Variants in TSPAN19 observed in about 807,000 individuals in gnomAD.
TSPAN19 encodes the protein tetraspanin 19, also known as tetraspanin-19.
A neutral mutation model predicts 35.1 loss-of-function variants in TSPAN19; 44 were observed. The ratio of observed to expected loss-of-function variants is 1.25; its 90% confidence interval spans 0.98 to 1.61. TSPAN19 has a LOEUF of 1.61. Ranked by LOEUF, TSPAN19 falls within the 40% of genes most tolerant of loss-of-function variation. TSPAN19 has a pLI of 0.00. For missense variants in TSPAN19, 290 were observed against 280.0 expected (o/e 1.04, Z -0.26); for synonymous variants, 79 against 92.0 (o/e 0.86, Z 0.81).
At chr12:85,016,060 T>C in intron 7 of TSPAN19, 89 bp from the exon 8 acceptor site, 1 of 827,906 alleles carries the variant, frequency 1.2e-6, no homozygotes, top group East Asian at 3.1e-5. Context: ...AAACAGAGAT[T>C]AGTAATTTAC....
Position 85,016,105 on chromosome 12 carries a change from G to A in TSPAN19, c.595-134C>T, listed in dbSNP as rs113739642. ...AATAGTAAGTCAATATCTAATTGGCGAACTGGACTTTTAGTCCAGAAAGCT... is the reference window on the plus strand; with the variant it reads ...AATAGTAAGTCAATATCTAATTGGCAAACTGGACTTTTAGTCCAGAAAGCT... On this transcript the variant is annotated intron_variant, in intron 7 of 8. Coordinates refer to ENST00000532498, the MANE Select transcript of TSPAN19 (RefSeq NM_001100917.2). 605 of 528,764 alleles carry A rather than the reference G, an allele frequency of 1.1e-3. 5 individuals carry two copies. The highest frequency in any genetic ancestry group is 0.011 in the African/African-American group (547 of 50,132). 32.8% of individuals were successfully genotyped at this position (528,764 alleles called of 1,614,324 possible). A position where few individuals can be genotyped will look rare whatever the true frequency, so the allele number is the denominator to read the frequency against.
intron 7 of TSPAN19, chr12:85,017,202 CTG>C: frequency 2.7e-6 from 1 of 363,676 alleles, no homozygotes. Context: ...GGGAGAAAGA[CTG>C]ATGATATCCC....
Position 85,017,463 on chromosome 12 carries a change from T to C in TSPAN19, c.587A>G (p.Tyr196Cys). ...WFCDEPLNAT[Y>C]LEGCENKISA... Reference sequence around the variant, plus strand: ...GCCTAGATTTATCTTTACCTCAAGGTAAGTTGCATTCAGTGGCTCATCACA... The same window carrying C: ...GCCTAGATTTATCTTTACCTCAAGGCAAGTTGCATTCAGTGGCTCATCACA... The change falls in exon 7 of 9, where the codon TAC (tyrosine) becomes TGC (cysteine). Residue 196 changes from tyrosine (Y) to cysteine (C), a missense_variant. Coordinates refer to ENST00000532498, the MANE Select transcript of TSPAN19 (RefSeq NM_001100917.2). The C allele has an allele frequency of 6.2e-7, 1 of 1,607,834 alleles. No individual in the cohort carries two copies. Among genetic ancestry groups the C allele is most frequent in the Non-Finnish European group, 8.5e-7 (1 of 1,176,738 alleles).
chr12:85,029,717 A>G lies in TSPAN19; in HGVS notation c.139+2T>C, dbSNP rs1030244776. The G allele has an allele frequency of 3.9e-6, 6 of 1,537,896 alleles. No individual in the cohort carries two copies. Among genetic ancestry groups the G allele is most frequent in the Non-Finnish European group, 5.3e-6 (6 of 1,142,254 alleles). On this transcript the variant is annotated splice_donor_variant, in intron 3 of 8. Transcript: ENST00000532498. LOFTEE classifies it high-confidence loss of function. Reference sequence around the variant, plus strand: ...GAGAGAAAAACAAAAATAGATACATACCAAAAGCTGTTAAAAAATTATTTC... The same window carrying G: ...GAGAGAAAAACAAAAATAGATACATGCCAAAAGCTGTTAAAAAATTATTTC...
intron 6 of TSPAN19, 44 bp from the exon 7 acceptor site, chr12:85,017,643 T>C: frequency 4.2e-6 from 6 of 1,441,338 alleles, no homozygotes; most frequent in Non-Finnish European, 5.6e-6. Flanking sequence ...ATGTTCAAAA[T>C]GCAGTTAATT....
chr12:85,029,238 G>C (rs943436006), intron 3 of TSPAN19, among the ~76,000 whole-genome samples: 1 of 152,098 alleles, frequency 6.6e-6, no homozygotes, highest in African/African-American at 2.4e-5. Context: ...CGAGTAAATA[G>C]TGGCAATGGG....
At chr12:85,025,685 C>T (rs570537931) in intron 4 of TSPAN19, among the ~76,000 whole-genome samples, 4 of 152,012 alleles carry the variant, frequency 2.6e-5, no homozygotes, top group African/African-American at 9.6e-5. Context: ...GCCATCATGC[C>T]CGGCTAATTT....
At chr12:85,017,257 T>C (rs1352363634) in intron 7 of TSPAN19, 199 bp downstream of exon 7, 2 of 506,274 alleles carry the variant, frequency 4.0e-6, no homozygotes, top group East Asian at 3.6e-5. Context: ...AGGAAATTTA[T>C]TTACTTTACG....
intron 1 of TSPAN19, among the ~76,000 whole-genome samples, 164 bp downstream of exon 1, chr12:85,036,040 A>C (rs922543791): frequency 6.6e-6 from 1 of 152,176 alleles, no homozygotes; most frequent in Non-Finnish European, 1.5e-5. Context: ...GGTTTGTGGA[A>C]TGAACACCTT....
At chr12:85,024,009 T>C (rs993444312) in intron 4 of TSPAN19, among the ~76,000 whole-genome samples, 6 of 152,154 alleles carry the variant, frequency 3.9e-5, no homozygotes, top group African/African-American at 1.4e-4. Flanking sequence ...CTAAATATGT[T>C]GAGTTATTCA....
intron 5 of TSPAN19, among the ~76,000 whole-genome samples, chr12:85,022,125 A>T (rs1877160143): frequency 6.6e-6 from 1 of 152,106 alleles, no homozygotes. Context: ...AAGTTTGAGG[A>T]TGATAGATTG....
At position 85,014,341 on chromosome 12, in the gene TSPAN19, G is replaced by T. The variant is rs1310368361; in HGVS notation, c.*146C>A. ...ATAATTTCATGAATGTTTTATTATA[G>T]TATTCAGTAATTCAATATTACATAT... is the stretch of plus-strand genomic sequence containing the variant. On this transcript the variant is annotated 3_prime_UTR_variant, in exon 9 of 9. Coordinates refer to ENST00000532498, the MANE Select transcript of TSPAN19 (RefSeq NM_001100917.2). 3.7e-6 allele frequency: 2 copies of T among 539,052 alleles called. No homozygotes were observed. The highest frequency in any genetic ancestry group is 6.6e-6 in the Non-Finnish European group (2 of 305,030). 33.4% of individuals were successfully genotyped at this position (539,052 alleles called of 1,614,324 possible). A position where few individuals can be genotyped will look rare whatever the true frequency, so the allele number is the denominator to read the frequency against.
At chr12:85,021,467 T>A (rs774936470) in intron 5 of TSPAN19, among the ~76,000 whole-genome samples, 1 of 152,106 alleles carries the variant, frequency 6.6e-6, no homozygotes, top group Non-Finnish European at 1.5e-5. Context: ...AAATAAGATA[T>A]ATAGTGCTGT....
rs532057322 is a variant in TSPAN19, at chr12:85,029,832, T to A, written c.67-41A>T. On this transcript the variant is annotated intron_variant, in intron 2 of 8. Coordinates refer to ENST00000532498, the MANE Select transcript of TSPAN19 (RefSeq NM_001100917.2). ...CAATGCTTATTTTTTTGTAATTGCC[T>A]ATACAATAGATTACATTTTCTTTAC... 4.0e-5 allele frequency: 61 copies of A among 1,523,450 alleles called. No homozygotes were observed. In the South Asian group the frequency reaches 7.1e-4, roughly 18 times the overall value. 94.4% of individuals were successfully genotyped at this position (1,523,450 alleles called of 1,614,324 possible). A position where few individuals can be genotyped will look rare whatever the true frequency, so the allele number is the denominator to read the frequency against.
At chr12:85,028,097 A>G in intron 3 of TSPAN19, 74 bp from the exon 4 acceptor site, 1 of 1,253,274 alleles carries the variant, frequency 8.0e-7, no homozygotes, top group South Asian at 1.7e-5. Context: ...TTTTCTATTT[A>G]AGAATAATTG....
At chr12:85,029,325 A>G (rs1490808808) in intron 3 of TSPAN19, among the ~76,000 whole-genome samples, 1 of 152,152 alleles carries the variant, frequency 6.6e-6, no homozygotes, top group Non-Finnish European at 1.5e-5. Context: ...AGTGACAACT[A>G]ATAATTGTAC....
chr12:85,019,641 A>G lies in TSPAN19; in HGVS notation c.435T>C (p.Asn145=), dbSNP rs761675630. 6.3e-7 allele frequency: 1 copy of G among 1,597,808 alleles called. No homozygotes were observed. The highest frequency in any genetic ancestry group is 1.7e-5 in the Admixed American group (1 of 59,042). ...TTCATCTTACTGTTTTCTGTAAGGC[A>G]TTCAGAATAGTCCACTTGGTTATAT... is the stretch of plus-strand genomic sequence containing the variant. The part of the protein sequence containing the change: ...PEDITKWTIL[N]ALQKTLQCCG... Residue 145 remains asparagine (N), a synonymous_variant, in exon 6 of 9, where the codon AAT becomes AAC. Transcript: ENST00000532498.
chr12:85,031,910 A>T (rs1877702105), intron 1 of TSPAN19, among the ~76,000 whole-genome samples: 1 of 152,100 alleles, frequency 6.6e-6, no homozygotes, highest in South Asian at 2.1e-4. Flanking sequence ...GGTGAGGGCC[A>T]AACAAAATGC....
chr12:85,019,781 C>A (rs1037025121), intron 5 of TSPAN19, 45 bp from the exon 6 acceptor site: 3 of 1,113,252 alleles, frequency 2.7e-6, no homozygotes, highest in Non-Finnish European at 3.9e-6. Flanking sequence ...AGGAATGTAT[C>A]CATAAAAATT....
Sources: gnomAD v4.1 joint callset for allele counts (sites outside exome capture counted in the v4.1 genomes callset) on GRCh38, gnomAD v4.1.1 for gene constraint, MANE v1.5 for transcripts, NCBI Gene and HGNC (gene_info 2026-07-23, HGNC 2026-07-21) for gene names.